Variants in ZNF276 observed in about 807,000 individuals in gnomAD.
The protein encoded by ZNF276 is zinc finger protein 276.
ZNF276 carries 59 observed loss-of-function variants against 63.9 expected under a neutral mutation model. That is an observed-to-expected ratio of 0.92 (90% confidence interval 0.75 to 1.15). The LOEUF (loss-of-function observed/expected upper bound fraction) is 1.15. Ranked by LOEUF, ZNF276 falls within the 50% of genes most tolerant of loss-of-function variation. The pLI is 0.00. For missense variants in ZNF276, 1,084 were observed against 843.8 expected (o/e 1.28, Z -3.53); for synonymous variants, 496 against 348.4 (o/e 1.42, Z -4.72).
In ZNF276 at chr16:89,738,932, G is replaced by A. The variant is rs1379441535; in HGVS notation, c.*686G>A. On this transcript the variant is annotated 3_prime_UTR_variant, in exon 11 of 11. Transcript: ENST00000443381. ...TTCGGGCACCGAGGTATTAACTGCA[G>A]CAGAAAAAGACGAGCTTTTGTTATC... 6.8e-6 allele frequency: 11 copies of A among 1,614,154 alleles called. No individual in the cohort carries two copies. Among genetic ancestry groups the A allele is most frequent in the Non-Finnish European group, 9.3e-6 (11 of 1,180,056 alleles).
At position 89,738,684 on chromosome 16, in the gene ZNF276, C is replaced by G. The variant is rs748856769; in HGVS notation, c.*438C>G. 4.3e-6 allele frequency: 7 copies of G among 1,613,796 alleles called. No homozygotes were observed. The highest frequency in any genetic ancestry group is 1.3e-5 in the African/African-American group (1 of 74,934). On this transcript the variant is annotated 3_prime_UTR_variant, in exon 11 of 11. Coordinates refer to ENST00000443381, the MANE Select transcript of ZNF276 (RefSeq NM_001113525.2). ...TGGAGGGCGGCGCTCACCTCTGGGT[C>G]GCAGTCCCCACGATCAGCCAGCAGC... is the stretch of plus-strand genomic sequence containing the variant.
Position 89,733,635 on chromosome 16 carries a change from CCTAA to C in ZNF276, c.1356+81_1356+84del, listed in dbSNP as rs1233125589. 14 of 1,537,306 alleles carry C rather than the reference CCTAA, an allele frequency of 9.1e-6. No individual in the cohort carries two copies. In the Admixed American group the frequency reaches 1.2e-4, roughly 13 times the overall value. Reference sequence around the variant, plus strand: ...GGGGAGGTAGCAGGTGTTTCTGCAGCCTAACTCAGACTTGCGCCCAAGGACACTT... The same window carrying C: ...GGGGAGGTAGCAGGTGTTTCTGCAGCCTCAGACTTGCGCCCAAGGACACTT... On this transcript the variant is annotated intron_variant, in intron 8 of 10. Coordinates refer to ENST00000443381, the MANE Select transcript of ZNF276 (RefSeq NM_001113525.2).
chr16:89,723,003 AG>A, intron 2 of ZNF276, 133 bp from the exon 3 acceptor site: 2 of 1,587,364 alleles, frequency 1.3e-6, no homozygotes, highest in East Asian at 4.5e-5. Flanking sequence ...ATGAACTGGG[AG>A]GAGCTGGGGT....
chr16:89,721,637 T>G lies in ZNF276; in HGVS notation c.-4T>G, dbSNP rs1378931033. ...GCGGGATTCTGCTGGCGTCCTCCGCTGCCATGAAGCGGGACCGGCTGGGCC... is the reference window on the plus strand; with the variant it reads ...GCGGGATTCTGCTGGCGTCCTCCGCGGCCATGAAGCGGGACCGGCTGGGCC... On this transcript the variant is annotated 5_prime_UTR_variant, in exon 1 of 11. Coordinates refer to ENST00000443381, the MANE Select transcript of ZNF276 (RefSeq NM_001113525.2). 6 of 1,471,722 alleles carry G rather than the reference T, an allele frequency of 4.1e-6. No individual in the cohort carries two copies. In the Admixed American group the frequency reaches 1.4e-4, roughly 35 times the overall value. The allele number at this position is 1,471,722 out of a possible 1,614,324, so 91.2% of individuals were successfully genotyped here.
At chr16:89,730,957 C>T (rs188037652) in intron 6 of ZNF276, among the ~76,000 whole-genome samples, 2,765 of 152,334 alleles carry the variant, frequency 0.018, 50 homozygotes, top group Non-Finnish European at 0.024. Context: ...GGGCCTGCAC[C>T]CCCATGGGGA....
chr16:89,730,980 G>A (rs1347457428), intron 6 of ZNF276, among the ~76,000 whole-genome samples: 1 of 152,260 alleles, frequency 6.6e-6, no homozygotes, highest in Non-Finnish European at 1.5e-5. Flanking sequence ...GAACTGACAG[G>A]CAGCAGTGAG....
In ZNF276 at chr16:89,734,005, T is replaced by C. The variant is rs1476532704; in HGVS notation, c.1441T>C (p.Tyr481His). ...CAACAAGGTTTTCATGATCGACCGC[T>C]ACCTGCAGCGCCACGTGAAGCTCAT... is the stretch of plus-strand genomic sequence containing the variant. ...GCNKVFMIDRYLQRHVKLIHT... is the reference protein window; with the variant it reads ...GCNKVFMIDRHLQRHVKLIHT... Residue 481 changes from tyrosine (Y) to histidine (H), a missense_variant, in exon 9 of 11, where the codon TAC (tyrosine) becomes CAC (histidine). By Grantham distance (83) the Tyr-to-His change is moderately conservative. Coordinates refer to ENST00000443381, the MANE Select transcript of ZNF276 (RefSeq NM_001113525.2). The C allele has an allele frequency of 6.2e-7, 1 of 1,613,982 alleles. No homozygotes were observed. The highest frequency in any genetic ancestry group is 8.5e-7 in the Non-Finnish European group (1 of 1,180,042).
At position 89,738,259 on chromosome 16, in the gene ZNF276, G is replaced by A; in HGVS notation, c.*13G>A. On this transcript the variant is annotated 3_prime_UTR_variant, in exon 11 of 11. Transcript: ENST00000443381. ...CGAACCCACCTGAGGACGGCAGTGA[G>A]GATGAGCACCTCTAGCAGCCTGGAC... The A allele has an allele frequency of 1.3e-6, 2 of 1,586,990 alleles. No homozygotes were observed. The highest frequency in any genetic ancestry group is 1.7e-6 in the Non-Finnish European group (2 of 1,167,716).
intron 2 of ZNF276, 112 bp from the exon 3 acceptor site, chr16:89,723,025 A>G (rs915942742): frequency 1.9e-6 from 3 of 1,602,924 alleles, no homozygotes; most frequent in Non-Finnish European, 1.7e-6. Context: ...GAGGGAAGAG[A>G]AAGTTGCCTA....
At position 89,722,832 on chromosome 16, in the gene ZNF276, A is replaced by G; in HGVS notation, c.507A>G (p.Ala169=). The change falls in exon 2 of 11, where the codon GCA becomes GCG. Residue 169 remains alanine (A), a splice_region_variant and synonymous_variant. Coordinates refer to ENST00000443381, the MANE Select transcript of ZNF276 (RefSeq NM_001113525.2). The part of the protein sequence containing the change: ...ASPAGRRKPC[A]KVGAQPPTGA... ...CGGCTGGTCGCCGGAAGCCTTGTGC[A>G]AAGTACGCCCTAGTCTGTTCAGAGC... 1.2e-6 allele frequency: 2 copies of G among 1,601,502 alleles called. No homozygotes were observed. The highest frequency in any genetic ancestry group is 1.3e-5 in the African/African-American group (1 of 75,056).
In ZNF276 at chr16:89,740,112, G is replaced by A. The variant is rs954269967; in HGVS notation, c.*1866G>A. 6.2e-7 allele frequency: 1 copy of A among 1,612,326 alleles called. No homozygotes were observed. The highest frequency in any genetic ancestry group is 8.5e-7 in the Non-Finnish European group (1 of 1,178,566). On this transcript the variant is annotated 3_prime_UTR_variant, in exon 11 of 11. Coordinates refer to ENST00000443381, the MANE Select transcript of ZNF276 (RefSeq NM_001113525.2). ...GGTCTGTGGTGCTCTGTAAACCGCAGGAGACCAACCCTGAGAATGGCCGAC... is the reference window on the plus strand; with the variant it reads ...GGTCTGTGGTGCTCTGTAAACCGCAAGAGACCAACCCTGAGAATGGCCGAC...
Position 89,739,795 on chromosome 16 carries a change from T to G in ZNF276, c.*1549T>G. 6.1e-6 allele frequency: 9 copies of G among 1,467,188 alleles called. No homozygotes were observed. The highest frequency in any genetic ancestry group is 6.3e-6 in the Non-Finnish European group (7 of 1,113,130). 90.9% of individuals were successfully genotyped at this position (1,467,188 alleles called of 1,614,324 possible). On this transcript the variant is annotated 3_prime_UTR_variant, in exon 11 of 11. Coordinates refer to ENST00000443381, the MANE Select transcript of ZNF276 (RefSeq NM_001113525.2). ...AGAGGCAGTCCCCATGATAGGCCCATTGGTCCTGGGGTTGACCAGTGAGCC... is the reference window on the plus strand; with the variant it reads ...AGAGGCAGTCCCCATGATAGGCCCAGTGGTCCTGGGGTTGACCAGTGAGCC...
chr16:89,731,783 C>T (rs2061661687), intron 6 of ZNF276: 1 of 152,230 alleles, frequency 6.6e-6, no homozygotes. Flanking sequence ...TATATAGAAA[C>T]ATAACTGGGT....
At chr16:89,735,721 T>G (rs142241963) in intron 9 of ZNF276, among the ~76,000 whole-genome samples, 1 of 152,042 alleles carries the variant, frequency 6.6e-6, no homozygotes. Flanking sequence ...ACTTTTTTTT[T>G]AATTTATTGA....
Position 89,722,812 on chromosome 16 carries a change from GGTCGCCGGAAGCCTT to G in ZNF276, c.490_504del (p.Arg164_Cys168del). ...GCAGAGGGTCAACGCCTCCCCGGCT[GGTCGCCGGAAGCCTT>G]GTGCAAAGTACGCCCTAGTCTGTTC... On this transcript the variant is annotated inframe_deletion, in exon 2 of 11. Transcript: ENST00000443381. 1 of 1,604,386 alleles carries G rather than the reference GGTCGCCGGAAGCCTT, an allele frequency of 6.2e-7. No individual in the cohort carries two copies. The highest frequency in any genetic ancestry group is 1.3e-5 in the African/African-American group (1 of 75,060).
At position 89,721,665 on chromosome 16, in the gene ZNF276, T is replaced by C. The variant is rs2061280576; in HGVS notation, c.25T>C (p.Phe9Leu). Residue 9 changes from phenylalanine (F) to leucine (L), a missense_variant, in exon 1 of 11, where the codon TTC (phenylalanine) becomes CTC (leucine). By Grantham distance (22) the Phe-to-Leu change is conservative (BLOSUM62 0). Transcript: ENST00000443381. Reference protein sequence around the residue: MKRDRLGRFLSPGSSRQCG... With the variant: MKRDRLGRLLSPGSSRQCG... ...CATGAAGCGGGACCGGCTGGGCCGCTTCCTGTCTCCTGGGTCGTCCCGACA... is the reference window on the plus strand; with the variant it reads ...CATGAAGCGGGACCGGCTGGGCCGCCTCCTGTCTCCTGGGTCGTCCCGACA... 2.7e-6 allele frequency: 4 copies of C among 1,464,942 alleles called. No individual in the cohort carries two copies. The highest frequency in any genetic ancestry group is 3.6e-6 in the Non-Finnish European group (4 of 1,114,452). 90.7% of individuals were successfully genotyped at this position (1,464,942 alleles called of 1,614,324 possible). A position where few individuals can be genotyped will look rare whatever the true frequency, so the allele number is the denominator to read the frequency against.
At position 89,721,609 on chromosome 16, in the gene ZNF276, C is replaced by T. The variant is rs1013856130; in HGVS notation, c.-32C>T. On this transcript the variant is annotated 5_prime_UTR_variant, in exon 1 of 11. Transcript: ENST00000443381. ...TCTAGGAACCTCGGGCCGGGCAGCACCCGCGGGATTCTGCTGGCGTCCTCC... is the reference window on the plus strand; with the variant it reads ...TCTAGGAACCTCGGGCCGGGCAGCATCCGCGGGATTCTGCTGGCGTCCTCC... 4 of 1,473,358 alleles carry T rather than the reference C, an allele frequency of 2.7e-6. No individual in the cohort carries two copies. The highest frequency in any genetic ancestry group is 3.6e-6 in the Non-Finnish European group (4 of 1,117,574). 91.3% of individuals were successfully genotyped at this position (1,473,358 alleles called of 1,614,324 possible). A position where few individuals can be genotyped will look rare whatever the true frequency, so the allele number is the denominator to read the frequency against.
rs142241963 is a variant in ZNF276, at chr16:89,735,721, T to A, written c.1474+1683T>A. ...CCGTCTTTACCAAAAACTTTTTTTT[T>A]AATTTATTGATGGAAACAGTCTCAC... On this transcript the variant is annotated intron_variant, in intron 9 of 10. Coordinates refer to ENST00000443381, the MANE Select transcript of ZNF276 (RefSeq NM_001113525.2). 9.2e-3 allele frequency among the ~76,000 whole-genome samples: 1,402 copies of A among 152,156 alleles called. 24 individuals are homozygous for A. Among genetic ancestry groups the A allele is most frequent in the African/African-American group, 5.9e-3 (246 of 41,516 alleles).
Position 89,738,739 on chromosome 16 carries a change from G to GC in ZNF276, c.*495dup, listed in dbSNP as rs1567591319. The GC allele has an allele frequency of 6.2e-7, 1 of 1,613,048 alleles. No homozygotes were observed. The highest frequency in any genetic ancestry group is 1.1e-5 in the South Asian group (1 of 90,988). On this transcript the variant is annotated 3_prime_UTR_variant, in exon 11 of 11. Coordinates refer to ENST00000443381, the MANE Select transcript of ZNF276 (RefSeq NM_001113525.2). Reference sequence around the variant, plus strand: ...AGAGAGGAGCAGGTCCTCAGCCCATGCCGCCCACTAGGCCTCAGACCACAG... The same window carrying GC: ...AGAGAGGAGCAGGTCCTCAGCCCATGCCCGCCCACTAGGCCTCAGACCACAG...
Sources: allele counts gnomAD v4.1 joint callset (sites outside exome capture counted in the v4.1 genomes callset), GRCh38; gene constraint gnomAD v4.1.1; transcripts MANE v1.5; gene names NCBI Gene and HGNC (gene_info 2026-07-23, HGNC 2026-07-21).